STK39: variants seen among roughly 807,000 people sequenced by gnomAD.
The protein encoded by STK39 is STE20/SPS1-related proline-alanine-rich protein kinase.
Under a neutral mutation model 77.8 loss-of-function variants are expected in STK39, and 20 were observed. The ratio of observed to expected loss-of-function variants is 0.26; its 90% CI spans 0.18 to 0.37. The LOEUF is 0.37. Ranked by LOEUF, STK39 falls within the 10% of genes least tolerant of loss-of-function variation. The pLI, the probability that STK39 is intolerant of heterozygous loss-of-function variation, is 1.00. For synonymous variants in STK39, 246 were observed against 234.1 expected (o/e 1.05, Z -0.47); for missense variants, 479 against 656.5 (o/e 0.73, Z 2.95).
chr2:168,120,295 A>C (rs1359153405), intron 10 of STK39, among the ~76,000 whole-genome samples: 1 of 152,210 alleles, frequency 6.6e-6, no homozygotes, highest in Non-Finnish European at 1.5e-5. Flanking sequence ...GTGCACAATA[A>C]ATATCGTTTT....
chr2:168,247,574 GC>G lies in STK39; in HGVS notation c.-140del. On this transcript the variant is annotated 5_prime_UTR_variant, in exon 1 of 18. Coordinates refer to ENST00000355999, the MANE Select transcript of STK39 (RefSeq NM_013233.3). ...CGCCGCCGCCGCCGTCCCCGCCGAA[GC>G]CAGCTAGGAGGGGAGGGAGCAAGGG... 1 of 649,330 alleles carries G rather than the reference GC, an allele frequency of 1.5e-6. No individual in the cohort carries two copies. The highest frequency in any genetic ancestry group is 2.0e-6 in the Non-Finnish European group (1 of 496,606). 40.2% of individuals were successfully genotyped at this position (649,330 alleles called of 1,614,324 possible).
chr2:168,128,974 G>GA (rs1233756699), intron 10 of STK39, among the ~76,000 whole-genome samples: 1 of 151,854 alleles, frequency 6.6e-6, no homozygotes, highest in East Asian at 1.9e-4. Context: ...TAAGTCTCTG[G>GA]AAAAATACAT....
intron 16 of STK39, among the ~76,000 whole-genome samples, chr2:167,972,134 G>C (rs907565894): frequency 6.6e-6 from 1 of 152,214 alleles, no homozygotes; most frequent in Non-Finnish European, 1.5e-5. Flanking sequence ...GGCTGCTAAG[G>C]GAAAGGGAAC....
At chr2:168,086,695 T>C (rs1414182382) in intron 10 of STK39, among the ~76,000 whole-genome samples, 1 of 152,242 alleles carries the variant, frequency 6.6e-6, no homozygotes, top group African/African-American at 2.4e-5. Flanking sequence ...AATGCCTGAA[T>C]ATTTTCTAAC....
intron 1 of STK39, among the ~76,000 whole-genome samples, chr2:168,230,089 T>C (rs1201384426): frequency 1.5e-4 from 23 of 152,226 alleles, no homozygotes; most frequent in Admixed American, 1.5e-3. Context: ...AAATATTGTA[T>C]ATTCATCTTC....
chr2:168,068,654 A>G (rs1685859504), intron 12 of STK39, among the ~76,000 whole-genome samples: 1 of 152,196 alleles, frequency 6.6e-6, no homozygotes, highest in African/African-American at 2.4e-5. Context: ...TCAAAAGTTC[A>G]TTTTCAGATA....
intron 5 of STK39, among the ~76,000 whole-genome samples, chr2:168,153,945 A>G (rs148711704): frequency 6.6e-6 from 1 of 152,358 alleles, no homozygotes; most frequent in Non-Finnish European, 1.5e-5. Flanking sequence ...AAGTCAACTT[A>G]GTTTAACAGC....
At chr2:168,130,024 TTAAC>T (rs1559111517) in intron 8 of STK39, among the ~76,000 whole-genome samples, 1 of 152,204 alleles carries the variant, frequency 6.6e-6, no homozygotes, top group African/African-American at 2.4e-5. Flanking sequence ...ATCCTTACAC[TTAAC>T]TAAGTGAATT....
At chr2:168,104,781 C>T (rs12464647) in intron 10 of STK39, among the ~76,000 whole-genome samples, 1 of 152,144 alleles carries the variant, frequency 6.6e-6, no homozygotes, top group Admixed American at 6.5e-5. Context: ...AATGTATATA[C>T]CCTTTGACCT....
chr2:168,144,974 G>A (rs1323262724), intron 5 of STK39, among the ~76,000 whole-genome samples: 11 of 50,426 alleles, frequency 2.2e-4, no homozygotes, highest in Non-Finnish European at 6.0e-5. Flanking sequence ...GAGTGAGCCC[G>A]TCTCAGAAAA....
chr2:168,217,501 T>C (rs1690054717), intron 1 of STK39, among the ~76,000 whole-genome samples: 1 of 152,192 alleles, frequency 6.6e-6, no homozygotes, highest in Non-Finnish European at 1.5e-5. Flanking sequence ...TCACAGATTA[T>C]CCGATCCTTG....
Position 168,075,208 on chromosome 2 carries a change from A to G in STK39, c.1113T>C (p.Ser371=). The G allele has an allele frequency of 6.2e-7, 1 of 1,614,048 alleles. No individual in the cohort carries two copies. Among genetic ancestry groups the G allele is most frequent in the Non-Finnish European group, 8.5e-7 (1 of 1,180,022 alleles). The change falls in exon 11 of 18, where the codon AGT becomes AGC. Residue 371 remains serine (S), a synonymous_variant. Transcript: ENST00000355999. ...CGTCTTCGGTTTTATGAAGGTGACC[A>G]CTTGACCCAGGAACTCTTCTTACCT... ...AKKVRRVPGS[S]GHLHKTEDGD...
chr2:168,090,747 A>G (rs1686498520), intron 10 of STK39, among the ~76,000 whole-genome samples: 1 of 152,172 alleles, frequency 6.6e-6, no homozygotes, highest in Non-Finnish European at 1.5e-5. Context: ...GTCCTCAGAA[A>G]ACAACCATCT....
intron 1 of STK39, among the ~76,000 whole-genome samples, chr2:168,191,865 G>A (rs1689348679): frequency 6.6e-6 from 1 of 152,214 alleles, no homozygotes; most frequent in Non-Finnish European, 1.5e-5. Flanking sequence ...TACTCAGGAA[G>A]CTGTAGGAAG....
chr2:168,061,352 C>T (rs950552962), intron 14 of STK39, among the ~76,000 whole-genome samples: 3 of 151,570 alleles, frequency 2.0e-5, no homozygotes, highest in Non-Finnish European at 4.4e-5. Context: ...CACAAAATAA[C>T]CACATAAAAA....
At chr2:168,039,120 T>G (rs570650877) in intron 14 of STK39, among the ~76,000 whole-genome samples, 20 of 151,564 alleles carry the variant, frequency 1.3e-4, no homozygotes, top group Admixed American at 8.6e-4. Flanking sequence ...CAGTAAAAAC[T>G]GAAAAAAAAT....
intron 1 of STK39, among the ~76,000 whole-genome samples, chr2:168,241,801 C>A (rs1690765540): frequency 6.6e-6 from 1 of 152,218 alleles, no homozygotes; most frequent in Non-Finnish European, 1.5e-5. Flanking sequence ...GTGTGCCAGG[C>A]ACGATTCTCA....
chr2:167,983,453 CAA>C (rs761596679), intron 16 of STK39, among the ~76,000 whole-genome samples: 20,142 of 91,816 alleles, frequency 0.22, 1,634 homozygotes, highest in Middle Eastern at 0.29. Context: ...AAACTCCATC[CAA>C]AAAAAAAAAA....
intron 1 of STK39, among the ~76,000 whole-genome samples, chr2:168,191,394 A>C (rs1363966756): frequency 6.6e-6 from 1 of 151,100 alleles, no homozygotes; most frequent in Non-Finnish European, 1.5e-5. Flanking sequence ...CGCCCTATTA[A>C]AAAAAAAATT....
Sources: allele counts gnomAD v4.1 joint callset (sites outside exome capture counted in the v4.1 genomes callset), GRCh38; gene constraint gnomAD v4.1.1; transcripts MANE v1.5; gene names NCBI Gene and HGNC (gene_info 2026-07-23, HGNC 2026-07-21).